The following C1orf105 variants were observed in gnomAD, a reference collection of about 807,000 sequenced individuals.
The protein encoded by C1orf105 is chromosome 1 open reading frame 105, also known as uncharacterized protein C1orf105.
Under a neutral mutation model 20.8 loss-of-function variants are expected in C1orf105, and 17 were observed. The ratio of observed to expected loss-of-function variants is 0.82; its 90% CI spans 0.56 to 1.23. The LOEUF is 1.23. C1orf105 is among the 50% of genes most tolerant of loss of function. The pLI, the probability that C1orf105 is intolerant of heterozygous loss-of-function variation, is 0.00. For synonymous variants in C1orf105, 72 were observed against 72.1 expected (o/e 1.00, Z 0.01); for missense variants, 219 against 213.5 (o/e 1.03, Z -0.16).
At chr1:172,437,763 A>G (rs2072090210) in intron 1 of C1orf105, among the ~76,000 whole-genome samples, 1 of 143,916 alleles carries the variant, frequency 6.9e-6, no homozygotes. Context: ...ATAATAAACA[A>G]AACGATTTAT....
Position 172,442,669 on chromosome 1 carries a change from A to C in C1orf105, c.22-2404A>C, listed in dbSNP as rs141515557. The C allele has an allele frequency of 1.0e-4, 152 of 1,510,516 alleles. 3 individuals are homozygous for C. The Middle Eastern group carries it at 3.3e-3, about 33-fold the overall frequency. 93.6% of individuals were successfully genotyped at this position (1,510,516 alleles called of 1,614,324 possible). The stretch of plus-strand genomic sequence containing the variant: ...GCCAGTTTAATCATCGCCCTCACAG[A>C]AGTCCAGGTGGTTCTTGTTCTTTAT... On this transcript the variant is annotated intron_variant, in intron 1 of 6. Coordinates refer to ENST00000367727, the MANE Select transcript of C1orf105 (RefSeq NM_139240.4).
At chr1:172,465,202 A>C in intron 5 of C1orf105, 97 bp from the exon 6 acceptor site, 1 of 494,004 alleles carries the variant, frequency 2.0e-6, no homozygotes, top group Non-Finnish European at 3.1e-6. Flanking sequence ...ATAATAAATA[A>C]TAATAAATAA....
intron 1 of C1orf105, chr1:172,442,686 G>C (rs138099737): frequency 1.4e-6 from 2 of 1,405,200 alleles, no homozygotes; most frequent in East Asian, 4.6e-5. Context: ...GGTGGTTCTT[G>C]TTCTTTATGA....
intron 1 of C1orf105, among the ~76,000 whole-genome samples, chr1:172,439,154 A>G (rs1315602243): frequency 1.3e-5 from 2 of 152,152 alleles, no homozygotes; most frequent in Admixed American, 6.5e-5. Flanking sequence ...ATAGACAGAT[A>G]TTGGTGCACA....
At chr1:172,458,224 A>G (rs920375854) in intron 4 of C1orf105, among the ~76,000 whole-genome samples, 3 of 152,228 alleles carry the variant, frequency 2.0e-5, no homozygotes, top group African/African-American at 7.2e-5. Context: ...CATTCTAGCC[A>G]GAAAGATAAG....
chr1:172,448,124 A>G (rs1041515357), intron 2 of C1orf105, among the ~76,000 whole-genome samples: 5 of 152,170 alleles, frequency 3.3e-5, no homozygotes, highest in African/African-American at 1.2e-4. Flanking sequence ...TTGAGTGCAG[A>G]CCCTTTCAAA....
At chr1:172,453,124 C>T (rs1648842780) in intron 3 of C1orf105, 1 of 1,550,954 alleles carries the variant, frequency 6.4e-7, no homozygotes. Flanking sequence ...TGCCCTCATC[C>T]CTTCTCCAGA....
intron 2 of C1orf105, among the ~76,000 whole-genome samples, chr1:172,447,618 G>A (rs577384601): frequency 6.6e-6 from 1 of 152,336 alleles, no homozygotes; most frequent in African/African-American, 2.4e-5. Context: ...GTCTTACAGG[G>A]CCCAGGGAAG....
At chr1:172,437,768 A>G (rs1250474710) in intron 1 of C1orf105, among the ~76,000 whole-genome samples, 1 of 150,662 alleles carries the variant, frequency 6.6e-6, no homozygotes, top group Admixed American at 6.6e-5. Context: ...AAACAAAACG[A>G]TTTATTTCTA....
intron 1 of C1orf105, among the ~76,000 whole-genome samples, chr1:172,438,531 T>C (rs1261730032): frequency 6.6e-6 from 1 of 152,206 alleles, no homozygotes; most frequent in African/African-American, 2.4e-5. Context: ...ACTGAAGAGA[T>C]AAGAAATTGA....
intron 6 of C1orf105, among the ~76,000 whole-genome samples, chr1:172,467,728 C>G (rs981757024): frequency 3.9e-5 from 6 of 152,142 alleles, no homozygotes; most frequent in Non-Finnish European, 7.4e-5. Context: ...ACTTTGTTCT[C>G]TGGAGCTTGT....
intron 1 of C1orf105, chr1:172,442,683 C>T: frequency 7.0e-7 from 1 of 1,433,050 alleles, no homozygotes; most frequent in Non-Finnish European, 9.6e-7. Flanking sequence ...CCAGGTGGTT[C>T]TTGTTCTTTA....
In C1orf105 at chr1:172,423,026, T is replaced by C. The variant is rs6693297; in HGVS notation, c.21+2120T>C. 3.2e-3 allele frequency among the ~76,000 whole-genome samples: 490 copies of C among 152,258 alleles called. 5 individuals are homozygous for C. The highest frequency in any genetic ancestry group is 0.011 in the African/African-American group (459 of 41,556). On this transcript the variant is annotated intron_variant, in intron 1 of 6. Transcript: ENST00000367727. ...TCCAGGCCCTGACTCCCAGACAGCG[T>C]CTCTGGACTCACCCAGGGCCCAGGG... is the stretch of plus-strand genomic sequence containing the variant.
Position 172,445,139 on chromosome 1 carries a change from G to T in C1orf105, c.88G>T (p.Val30Leu). Reference sequence around the variant, plus strand: ...GGCCAGCCTTGTAAACAAGCCATTAGTGCTCAGCCTTCCCAGAAGGTAACC... The same window carrying T: ...GGCCAGCCTTGTAAACAAGCCATTATTGCTCAGCCTTCCCAGAAGGTAACC... ...SEASLVNKPL[V>L]LSLPRRYPHT... is the part of the protein sequence containing the mutation. Residue 30 changes from valine to leucine, a missense_variant, in exon 2 of 7, where the codon GTG (valine) becomes TTG (leucine). Physicochemically the swap from Val to Leu is conservative, Grantham distance 32. Coordinates refer to ENST00000367727, the MANE Select transcript of C1orf105 (RefSeq NM_139240.4). 2 of 1,612,356 alleles carry T rather than the reference G, an allele frequency of 1.2e-6. No homozygotes were observed. The highest frequency in any genetic ancestry group is 1.7e-6 in the Non-Finnish European group (2 of 1,179,368).
chr1:172,438,802 T>A (rs944800410), intron 1 of C1orf105, among the ~76,000 whole-genome samples: 3 of 152,196 alleles, frequency 2.0e-5, no homozygotes, highest in Non-Finnish European at 4.4e-5. Context: ...TTCATTATTG[T>A]CTTATTTCAT....
intron 3 of C1orf105, among the ~76,000 whole-genome samples, chr1:172,452,047 AT>A (rs1648710028): frequency 6.6e-6 from 1 of 151,384 alleles, no homozygotes; most frequent in South Asian, 2.1e-4. Context: ...TAATTTTTGT[AT>A]TTTTAGTAGA....
intron 5 of C1orf105, among the ~76,000 whole-genome samples, chr1:172,463,114 A>G (rs1483239805): frequency 1.3e-5 from 2 of 152,156 alleles, no homozygotes; most frequent in African/African-American, 4.8e-5. Flanking sequence ...ATATTTAACT[A>G]CTAGGCAGGG....
chr1:172,433,673 T>C (rs1558126637), intron 1 of C1orf105, among the ~76,000 whole-genome samples: 2 of 152,182 alleles, frequency 1.3e-5, no homozygotes, highest in African/African-American at 4.8e-5. Context: ...AGACTATCGA[T>C]GCTAGGAAGA....
intron 1 of C1orf105, 80 bp from the exon 2 acceptor site, chr1:172,444,993 A>T: frequency 8.8e-7 from 1 of 1,142,290 alleles, no homozygotes; most frequent in Non-Finnish European, 1.3e-6. Flanking sequence ...TATGGCTGCT[A>T]TTAGCTGACT....
Sources: gnomAD v4.1 joint callset for allele counts (sites outside exome capture counted in the v4.1 genomes callset) on GRCh38, gnomAD v4.1.1 for gene constraint, MANE v1.5 for transcripts, NCBI Gene and HGNC (gene_info 2026-07-23, HGNC 2026-07-21) for gene names.